SLC26A6: variants seen among roughly 807,000 people sequenced by gnomAD.
The protein encoded by SLC26A6 is solute carrier family 26 member 6.
In SLC26A6, 67 loss-of-function variants were observed where a neutral mutation model predicts 87.1. The observed-to-expected ratio is 0.77, with a 90% CI of 0.63 to 0.94. The LOEUF (loss-of-function observed/expected upper bound fraction) is 0.94. Among genes scored for constraint, SLC26A6 ranks in the 40% least tolerant of loss-of-function variants. SLC26A6 has a pLI of 0.00. For missense variants in SLC26A6, 902 were observed against 973.0 expected (o/e 0.93, Z 0.97); for synonymous variants, 414 against 405.9 (o/e 1.02, Z -0.24).
In SLC26A6 at chr3:48,629,973, G is replaced by A. The variant is rs774778618; in HGVS notation, c.1428C>T (p.Ile476=). ...LWKANRADLL[I]WLVTFTATIL... ...TGGTGGCCGTGAAGGTCACCAGCCA[G>A]ATAAGCTGAGAACAGAGGGCAGCGG... Residue 476 remains isoleucine, a synonymous_variant, in exon 13 of 21, where the codon ATC becomes ATT. Transcript: ENST00000395550. 4 of 1,614,120 alleles carry A rather than the reference G, an allele frequency of 2.5e-6. No individual in the cohort carries two copies. The highest frequency in any genetic ancestry group is 1.3e-5 in the African/African-American group (1 of 75,076).
intron 1 of SLC26A6, chr3:48,634,193 G>A (rs997849716): frequency 3.8e-5 from 6 of 158,556 alleles, no homozygotes; most frequent in East Asian, 3.7e-4. Context: ...GGTTGTAGAC[G>A]GCTCAGGCCT....
Position 48,632,268 on chromosome 3 carries a change from T to A in SLC26A6, c.562A>T (p.Ser188Cys). 1.2e-6 allele frequency: 2 copies of A among 1,609,500 alleles called. No individual in the cohort carries two copies. Among genetic ancestry groups the A allele is most frequent in the Non-Finnish European group, 1.7e-6 (2 of 1,177,836 alleles). The change falls in exon 5 of 21, where the codon AGT becomes TGT. Residue 188 changes from serine (S) to cysteine (C), a missense_variant. Transcript: ENST00000395550. ...AARVQVASTL[S>C]VLVGLFQVGL... is the part of the protein sequence containing the mutation. ...ACCTGGAAGAGGCCAACCAGGACAC[T>A]GAGTGTGGAGGCCACCTGTACCCGG...
chr3:48,630,413 G>GA (rs1490292542), intron 11 of SLC26A6, 25 bp downstream of exon 11: 1 of 1,552,044 alleles, frequency 6.4e-7, no homozygotes, highest in African/African-American at 1.4e-5. Flanking sequence ...GCCAAGACCT[G>GA]AAACCTGGCT....
chr3:48,633,139 G>A, intron 3 of SLC26A6, 55 bp from the exon 4 acceptor site: 1 of 1,585,162 alleles, frequency 6.3e-7, no homozygotes, highest in Non-Finnish European at 8.6e-7. Flanking sequence ...GAAACGATAA[G>A]GGAATCCCAG....
In SLC26A6 at chr3:48,632,139, C is replaced by T. The variant is rs541713274; in HGVS notation, c.586-95G>A. 5.6e-5 allele frequency: 88 copies of T among 1,585,216 alleles called. 2 individuals carry two copies. In the Middle Eastern group the frequency reaches 4.8e-3, roughly 87 times the overall value. On this transcript the variant is annotated intron_variant, in intron 5 of 20. Transcript: ENST00000395550. ...GTGGGATGGGAGGGGGATGAGTAGA[C>T]GGCAAGAGGAGGACGACGATGGTCA...
chr3:48,631,390 G>A (rs2046787320), intron 7 of SLC26A6, 84 bp from the exon 8 acceptor site: 4 of 1,398,956 alleles, frequency 2.9e-6, no homozygotes, highest in Non-Finnish European at 3.8e-6. Context: ...TGAGGAGGGA[G>A]ATACTGGGCA....
Position 48,635,375 on chromosome 3 carries a change from A to C in SLC26A6, c.19T>G (p.Ser7Ala). Residue 7 changes from serine (S) to alanine (A), a missense_variant, in exon 1 of 21, where the codon TCG (serine) becomes GCG (alanine). Coordinates refer to ENST00000395550, the MANE Select transcript of SLC26A6 (RefSeq NM_022911.3). ...GGGAATGTGCGCTGAACTCACCCCG[A>C]CGCATCCGCCAGCCCCATGGCTCGC... MGLADA[S>A]GPRDTQALLS... 6.3e-7 allele frequency: 1 copy of C among 1,587,556 alleles called. No individual in the cohort carries two copies. The highest frequency in any genetic ancestry group is 1.4e-5 in the African/African-American group (1 of 73,964).
At chr3:48,632,868 G>T in intron 4 of SLC26A6, 106 bp downstream of exon 4, 1 of 1,123,170 alleles carries the variant, frequency 8.9e-7, no homozygotes, top group Non-Finnish European at 1.3e-6. Context: ...CAGCACCAAT[G>T]CTGCCCTCTT....
chr3:48,631,505 G>T, intron 7 of SLC26A6, 144 bp downstream of exon 7: 1 of 1,178,162 alleles, frequency 8.5e-7, no homozygotes, highest in Non-Finnish European at 1.2e-6. Context: ...CCAACATAGG[G>T]GCTTTCTGCT....
intron 1 of SLC26A6, chr3:48,634,401 T>C (rs2310996): frequency 0.22 from 33,126 of 152,180 alleles, 5,749 homozygotes; most frequent in African/African-American, 0.49. Context: ...GGAATCTTTA[T>C]CAGCCTGGCA....
intron 13 of SLC26A6, 42 bp from the exon 14 acceptor site, chr3:48,629,753 AG>A (rs1559466420): frequency 2.5e-6 from 4 of 1,609,038 alleles, no homozygotes; most frequent in Non-Finnish European, 1.7e-6. Context: ...GGGCAGAAAA[AG>A]GGGATAACAG....
chr3:48,632,627 C>T, intron 4 of SLC26A6: 1 of 706,374 alleles, frequency 1.4e-6, no homozygotes, highest in Non-Finnish European at 2.6e-6. Context: ...CTCATCTACC[C>T]TGTCCCACCT....
chr3:48,627,907 G>T, intron 17 of SLC26A6, 39 bp downstream of exon 17: 1 of 1,555,842 alleles, frequency 6.4e-7, no homozygotes, highest in South Asian at 1.2e-5. Context: ...CATCTCTGCA[G>T]CTCACAGCTG....
chr3:48,635,401 A>T lies in SLC26A6; in HGVS notation c.-8T>A. The T allele has an allele frequency of 6.3e-7, 1 of 1,583,502 alleles. No individual in the cohort carries two copies. The highest frequency in any genetic ancestry group is 1.1e-5 in the South Asian group (1 of 87,284). On this transcript the variant is annotated 5_prime_UTR_variant, in exon 1 of 21. Transcript: ENST00000395550. ...CGCATCCGCCAGCCCCATGGCTCGCAAGTTGTCCGGTGCGGGCTGCTCCTG... is the reference window on the plus strand; with the variant it reads ...CGCATCCGCCAGCCCCATGGCTCGCTAGTTGTCCGGTGCGGGCTGCTCCTG...
chr3:48,630,949 T>G lies in SLC26A6; in HGVS notation c.1134+44A>C, dbSNP rs1368201614. 4.4e-6 allele frequency: 7 copies of G among 1,605,736 alleles called. No individual in the cohort carries two copies. In the East Asian group the frequency reaches 1.6e-4, roughly 36 times the overall value. The stretch of plus-strand genomic sequence containing the variant: ...TCCTCCCCCACCCGTTGCTGGCGCC[T>G]CCATACACTTGGATGCCTCCTACAC... On this transcript the variant is annotated intron_variant, in intron 9 of 20. Coordinates refer to ENST00000395550, the MANE Select transcript of SLC26A6 (RefSeq NM_022911.3).
chr3:48,628,317 G>C lies in SLC26A6; in HGVS notation c.1800+117C>G. ...TGAAGCAGGGTCCCTGGGAGCATGAGGGAGAAAGGGGAAGGGATGAGGAGT... is the reference window on the plus strand; with the variant it reads ...TGAAGCAGGGTCCCTGGGAGCATGACGGAGAAAGGGGAAGGGATGAGGAGT... On this transcript the variant is annotated intron_variant, in intron 16 of 20. Transcript: ENST00000395550. This position sits in a 1 kb window ranked among gnomAD's most constrained non-coding sequence, Gnocchi z 4.4. The C allele has an allele frequency of 1.4e-6, 2 of 1,383,542 alleles. No homozygotes were observed. Among genetic ancestry groups the C allele is most frequent in the Non-Finnish European group, 2.0e-6 (2 of 1,003,666 alleles). 85.7% of individuals were successfully genotyped at this position (1,383,542 alleles called of 1,614,324 possible). A position where few individuals can be genotyped will look rare whatever the true frequency, so the allele number is the denominator to read the frequency against.
intron 1 of SLC26A6, among the ~76,000 whole-genome samples, chr3:48,634,977 A>T (rs2046914787): frequency 6.6e-6 from 1 of 152,188 alleles, no homozygotes. Context: ...GAAAGGCCGG[A>T]GCGCTCACTC....
At position 48,626,704 on chromosome 3, in the gene SLC26A6, C is replaced by T. The variant is rs541596881; in HGVS notation, c.2074-19G>A. The T allele has an allele frequency of 6.2e-6, 10 of 1,613,842 alleles. No individual in the cohort carries two copies. Among genetic ancestry groups the T allele is most frequent in the Non-Finnish European group, 6.8e-6 (8 of 1,180,026 alleles). On this transcript the variant is annotated intron_variant, in intron 18 of 20. Transcript: ENST00000395550. ...GGAAAATCTGTAGCGGAAAAGGGGG[C>T]CAGCCTCAGAGGGAGGCTCAGGGAC...
At chr3:48,632,741 C>T in intron 4 of SLC26A6, 1 of 674,042 alleles carries the variant, frequency 1.5e-6, no homozygotes, top group Non-Finnish European at 2.7e-6. Context: ...GCCCCTTGGG[C>T]TGCCTCACCC....
Sources: allele counts gnomAD v4.1 joint callset (sites outside exome capture counted in the v4.1 genomes callset), GRCh38; gene constraint gnomAD v4.1.1; non-coding constraint Gnocchi (gnomAD v3.1); transcripts MANE v1.5; gene names NCBI Gene and HGNC (gene_info 2026-07-23, HGNC 2026-07-21).